The following PLPPR1 variants were observed in gnomAD, a reference collection of about 807,000 sequenced individuals.
PLPPR1 encodes the protein phospholipid phosphatase-related protein type 1.
PLPPR1 carries 10 observed loss-of-function variants against 33.1 expected under a neutral mutation model. That is an observed-to-expected ratio of 0.30 (90% CI 0.19 to 0.51). PLPPR1 has a LOEUF of 0.51. Ranked by LOEUF, PLPPR1 falls within the 20% of genes least tolerant of loss-of-function variation. The pLI is 0.97. For missense variants in PLPPR1, 304 were observed against 408.1 expected, an observed-to-expected ratio of 0.74 and a Z score of 2.20; for synonymous variants, 151 against 151.0, an observed-to-expected ratio of 1.00 and a Z score of 0.00.
At chr9:101,200,622 T>C (rs1826475125) in intron 2 of PLPPR1, among the ~76,000 whole-genome samples, 1 of 152,168 alleles carries the variant, frequency 6.6e-6, no homozygotes, top group Admixed American at 6.5e-5. Flanking sequence ...GACAATTTCA[T>C]TTTGTTTATT....
intron 2 of PLPPR1, among the ~76,000 whole-genome samples, chr9:101,186,339 G>C (rs902881495): frequency 7.3e-5 from 11 of 151,396 alleles, no homozygotes; most frequent in Admixed American, 6.6e-5. Context: ...TTTTTTTTTA[G>C]CCTAAAGATC....
intron 1 of PLPPR1, among the ~76,000 whole-genome samples, chr9:101,064,347 A>AGAATGAATGAATGAATGAAT (rs34535403): frequency 6.7e-6 from 1 of 150,306 alleles, no homozygotes; most frequent in South Asian, 2.1e-4. Flanking sequence ...TAATATTTAT[A>AGAATGAATGAATGAATGAAT]GAATGAATGA....
intron 6 of PLPPR1, among the ~76,000 whole-genome samples, chr9:101,313,771 G>A (rs1829003821): frequency 6.6e-6 from 1 of 152,102 alleles, no homozygotes; most frequent in African/African-American, 2.4e-5. Context: ...TACAATAAAT[G>A]ACACATCAAG....
intron 3 of PLPPR1, among the ~76,000 whole-genome samples, chr9:101,274,793 A>T (rs1023348842): frequency 7.9e-5 from 12 of 152,124 alleles, no homozygotes; most frequent in African/African-American, 2.9e-4. Flanking sequence ...ATAAGACTAG[A>T]GAGGCAGGTC....
At chr9:101,037,853 A>G (rs920562662) in intron 1 of PLPPR1, among the ~76,000 whole-genome samples, 5 of 112,036 alleles carry the variant, frequency 4.5e-5, no homozygotes, top group East Asian at 2.9e-4. Flanking sequence ...TTTTGGGTCT[A>G]GTTTTTTTTT....
intron 3 of PLPPR1, among the ~76,000 whole-genome samples, chr9:101,281,440 C>T (rs1261148133): frequency 2.0e-5 from 3 of 151,748 alleles, no homozygotes; most frequent in African/African-American, 7.3e-5. Context: ...CACAAAAGAC[C>T]CAGAATAGCC....
At chr9:101,255,218 G>A (rs1438391874) in intron 2 of PLPPR1, among the ~76,000 whole-genome samples, 2 of 152,130 alleles carry the variant, frequency 1.3e-5, no homozygotes, top group Admixed American at 6.6e-5. Context: ...AGAGAAGGGA[G>A]TTTGATTTGT....
intron 2 of PLPPR1, among the ~76,000 whole-genome samples, chr9:101,196,778 TG>T (rs1826402709): frequency 6.6e-6 from 1 of 150,430 alleles, no homozygotes; most frequent in South Asian, 2.1e-4. Context: ...GGCGGGAGAA[TG>T]GCGTGAACCC....
intron 1 of PLPPR1, among the ~76,000 whole-genome samples, chr9:101,143,547 T>A (rs932314030): frequency 7.9e-5 from 12 of 151,392 alleles, no homozygotes; most frequent in Non-Finnish European, 1.3e-4. Context: ...AGGGCTAATA[T>A]CCAGAATCTA....
intron 3 of PLPPR1, among the ~76,000 whole-genome samples, chr9:101,276,415 T>G (rs1471966745): frequency 6.6e-6 from 1 of 152,182 alleles, no homozygotes; most frequent in Non-Finnish European, 1.5e-5. Flanking sequence ...AGAGATTGTT[T>G]TTCTCCTGAC....
chr9:101,121,121 C>G (rs544312559), intron 1 of PLPPR1, among the ~76,000 whole-genome samples: 8 of 152,290 alleles, frequency 5.3e-5, no homozygotes, highest in African/African-American at 1.9e-4. Context: ...ATAATAATTA[C>G]AGGCTTCTAA....
intron 3 of PLPPR1, among the ~76,000 whole-genome samples, chr9:101,285,175 C>T (rs1564026700): frequency 6.6e-6 from 1 of 152,110 alleles, no homozygotes; most frequent in Non-Finnish European, 1.5e-5. Context: ...CTTGATGAGT[C>T]TCGATCTTCA....
chr9:101,039,076 G>T (rs575256637), intron 1 of PLPPR1, among the ~76,000 whole-genome samples: 2 of 152,258 alleles, frequency 1.3e-5, no homozygotes, highest in South Asian at 4.1e-4. Flanking sequence ...ATCAAGTCAT[G>T]AAATCTTTGT....
chr9:101,135,132 C>T (rs1409923128), intron 1 of PLPPR1, among the ~76,000 whole-genome samples: 1 of 152,162 alleles, frequency 6.6e-6, no homozygotes. Flanking sequence ...TTACAAAGAA[C>T]CTGGACTGGG....
chr9:101,206,360 T>C (rs1249061389), intron 2 of PLPPR1, among the ~76,000 whole-genome samples: 1 of 152,210 alleles, frequency 6.6e-6, no homozygotes, highest in Non-Finnish European at 1.5e-5. Context: ...GAAGTTCTCC[T>C]TTGAGTACAG....
chr9:101,261,811 TA>T (rs1827903951), intron 2 of PLPPR1, among the ~76,000 whole-genome samples: 1 of 151,976 alleles, frequency 6.6e-6, no homozygotes, highest in African/African-American at 2.4e-5. Context: ...CATCGACACA[TA>T]GAGGGGAACA....
chr9:101,145,470 C>G (rs1292166474), intron 1 of PLPPR1, among the ~76,000 whole-genome samples: 1 of 152,110 alleles, frequency 6.6e-6, no homozygotes, highest in Non-Finnish European at 1.5e-5. Flanking sequence ...CAACCTCCGC[C>G]TCCCAGGTTC....
intron 1 of PLPPR1, among the ~76,000 whole-genome samples, chr9:101,065,800 G>A (rs1197268228): frequency 6.6e-6 from 1 of 151,958 alleles, no homozygotes; most frequent in Non-Finnish European, 1.5e-5. Flanking sequence ...GTGACCTTAA[G>A]CAAGGATTCA....
intron 1 of PLPPR1, among the ~76,000 whole-genome samples, chr9:101,067,658 G>A (rs1020107909): frequency 3.3e-5 from 5 of 152,140 alleles, no homozygotes; most frequent in African/African-American, 1.2e-4. Context: ...CTGGAGTGCA[G>A]ATAAAAAGTC....
Sources: gnomAD v4.1 joint callset for allele counts (sites outside exome capture counted in the v4.1 genomes callset) on GRCh38, gnomAD v4.1.1 for gene constraint, MANE v1.5 for transcripts, NCBI Gene and HGNC (gene_info 2026-07-23, HGNC 2026-07-21) for gene names.